The following INSL6 variants were observed in gnomAD, a reference collection of about 807,000 sequenced individuals.
INSL6 encodes insulin like 6, also known as insulin-like peptide INSL6.
INSL6 carries 16 observed loss-of-function variants against 9.4 expected under a neutral mutation model. The ratio of observed to expected loss-of-function variants is 1.70; its 90% CI spans 1.15 to 2.59. INSL6 has a LOEUF of 2.59. Among genes scored for constraint, INSL6 ranks in the 30% most tolerant of loss-of-function variants. The probability of loss-of-function intolerance (pLI) is 0.00; values close to 1 mark genes in which losing one functional copy is unlikely to be tolerated. For missense variants in INSL6, 391 were observed against 257.3 expected (o/e 1.52, Z -3.56); for synonymous variants, 154 against 96.9 (o/e 1.59, Z -3.46).
the INSL6 span, among the ~76,000 whole-genome samples, chr9:5,104,814 A>G: frequency 5.3e-5 from 8 of 152,324 alleles, no homozygotes; most frequent in East Asian, 1.2e-3. Flanking sequence ...AAACCACATG[A>G]TTATTTCAAT....
chr9:5,060,577 T>C, the INSL6 span, among the ~76,000 whole-genome samples: 1 of 152,222 alleles, frequency 6.6e-6, no homozygotes, highest in Non-Finnish European at 1.5e-5. Context: ...TATCATGAGA[T>C]TGTAGCAATT....
At chr9:5,133,223 G>A (rs959892934) in intron 3 of INSL6, among the ~76,000 whole-genome samples, 1 of 151,054 alleles carries the variant, frequency 6.6e-6, no homozygotes, top group Non-Finnish European at 1.5e-5. Flanking sequence ...GGAAAGTTGG[G>A]GGAGGATAAT....
At chr9:5,019,231 G>C in the INSL6 span, among the ~76,000 whole-genome samples, 1 of 152,094 alleles carries the variant, frequency 6.6e-6, no homozygotes, top group African/African-American at 2.4e-5. Flanking sequence ...ATGTCATGCA[G>C]GCTTTGTTCA....
At chr9:5,087,777 C>T in the INSL6 span, among the ~76,000 whole-genome samples, 2 of 141,246 alleles carry the variant, frequency 1.4e-5, no homozygotes, top group Non-Finnish European at 2.9e-5. Context: ...TTGAAATGTT[C>T]TTATCTTTTG....
the INSL6 span, among the ~76,000 whole-genome samples, chr9:5,067,870 G>A: frequency 6.6e-6 from 1 of 151,968 alleles, no homozygotes; most frequent in Non-Finnish European, 1.5e-5. Flanking sequence ...TTAAGAAAGG[G>A]CAGCCAGGTG....
At chr9:5,128,543 G>C (rs1265047234) in intron 3 of INSL6, among the ~76,000 whole-genome samples, 7 of 151,728 alleles carry the variant, frequency 4.6e-5, no homozygotes, top group Non-Finnish European at 1.5e-5. Flanking sequence ...CTTAAAAGTA[G>C]GTTCTTATCA....
At chr9:5,122,890 G>A (rs561688174), downstream of INSL6, 1 of 647,526 alleles carries the variant, frequency 1.5e-6, no homozygotes, top group South Asian at 2.7e-5. Flanking sequence ...GGCCTGCTGT[G>A]ATAACTCTTT....
At chr9:5,104,191 A>C in the INSL6 span, among the ~76,000 whole-genome samples, 1 of 152,178 alleles carries the variant, frequency 6.6e-6, no homozygotes, top group Non-Finnish European at 1.5e-5. Flanking sequence ...AAGAAAAGAG[A>C]GAAGAATCAA....
Position 5,155,317 on chromosome 9 carries a change from G to C in INSL6, c.376+8862C>G, listed in dbSNP as rs139232052. Among the ~76,000 whole-genome samples, 641 of 140,902 alleles carry C rather than the reference G, an allele frequency of 4.5e-3. 4 individuals carry two copies. Among genetic ancestry groups the C allele is most frequent in the African/African-American group, 0.015 (557 of 37,734 alleles). The allele number at this position is 140,902 out of a possible 152,430, so 92.4% of individuals were successfully genotyped here. On this transcript the variant is annotated intron_variant, in intron 2 of 3. Coordinates refer to the INSL6 transcript ENST00000649639. Reference sequence around the variant, plus strand: ...TGGAAGGGGAACATCACACACTGGGGCCTGTTGCAGGGTTGGGGGAGGGGG... The same window carrying C: ...TGGAAGGGGAACATCACACACTGGGCCCTGTTGCAGGGTTGGGGGAGGGGG...
chr9:5,042,292 C>T, the INSL6 span, among the ~76,000 whole-genome samples: 2 of 151,780 alleles, frequency 1.3e-5, no homozygotes, highest in Middle Eastern at 3.4e-3. Flanking sequence ...CGCCCGCCAC[C>T]GCGCCCGGCT....
At chr9:5,136,800 G>C (rs944301999) in intron 2 of INSL6, among the ~76,000 whole-genome samples, 4 of 152,126 alleles carry the variant, frequency 2.6e-5, no homozygotes, top group South Asian at 2.1e-4. Context: ...GAAATAAAGG[G>C]TATTCAATTA....
At chr9:5,039,865 T>A in the INSL6 span, among the ~76,000 whole-genome samples, 103 of 152,312 alleles carry the variant, frequency 6.8e-4, 1 homozygote, top group Admixed American at 3.3e-4. Flanking sequence ...GAGGACTTCA[T>A]ATTTTTAAGA....
intron 2 of INSL6, among the ~76,000 whole-genome samples, chr9:5,134,065 T>C (rs7038687): frequency 0.37 from 56,207 of 151,872 alleles, 11,512 homozygotes; most frequent in African/African-American, 0.57. Flanking sequence ...TATCAACAGC[T>C]GAATCGGTCA....
chr9:5,046,931 C>G, the INSL6 span, among the ~76,000 whole-genome samples: 1 of 152,126 alleles, frequency 6.6e-6, no homozygotes, highest in Non-Finnish European at 1.5e-5. Flanking sequence ...ACTATTCATT[C>G]AGCTACTTTA....
intron 1 of INSL6, among the ~76,000 whole-genome samples, chr9:5,182,621 G>C (rs542741992): frequency 6.6e-6 from 1 of 151,970 alleles, no homozygotes. Flanking sequence ...TTACAGACTA[G>C]TTGTGATGAT....
the INSL6 span, chr9:5,112,871 A>G: frequency 2.2e-6 from 1 of 445,894 alleles, no homozygotes; most frequent in Non-Finnish European, 3.6e-6. Flanking sequence ...CCGTGGGACG[A>G]GCCACCCGCC....
the INSL6 span, chr9:5,044,603 T>A: frequency 1.2e-6 from 1 of 848,334 alleles, no homozygotes; most frequent in African/African-American, 1.7e-5. Context: ...AGGAAAAACT[T>A]TACATATGGG....
the INSL6 span, among the ~76,000 whole-genome samples, chr9:5,012,050 A>G: frequency 6.6e-6 from 1 of 152,252 alleles, no homozygotes; most frequent in East Asian, 1.9e-4. Context: ...TTTTCATCCT[A>G]TGGATGGGAA....
intron 1 of INSL6, among the ~76,000 whole-genome samples, chr9:5,180,478 C>T (rs1321118979): frequency 6.6e-6 from 1 of 152,090 alleles, no homozygotes; most frequent in East Asian, 1.9e-4. Context: ...AATTCTTTTT[C>T]CTAGCAAGGA....
Sources: allele counts gnomAD v4.1 joint callset (sites outside exome capture counted in the v4.1 genomes callset), GRCh38; gene constraint gnomAD v4.1.1; transcripts MANE v1.5; gene names NCBI Gene and HGNC (gene_info 2026-07-23, HGNC 2026-07-21).